The following ZSWIM5 variants were observed in gnomAD, a reference collection of about 807,000 sequenced individuals.
ZSWIM5 encodes zinc finger SWIM-type containing 5.
Under a neutral mutation model 119.6 loss-of-function variants are expected in ZSWIM5, and 55 were observed. The ratio of observed to expected loss-of-function variants is 0.46; its 90% CI spans 0.37 to 0.58. The LOEUF is 0.58. ZSWIM5 is among the 20% of genes least tolerant of loss of function. The probability of loss-of-function intolerance (pLI) is 0.00; values close to 1 mark genes in which losing one functional copy is unlikely to be tolerated. For missense variants in ZSWIM5, 1,193 were observed against 1,512.8 expected (o/e 0.79, Z 3.51); for synonymous variants, 537 against 606.9 (o/e 0.88, Z 1.69).
At chr1:45,168,641 G>A (rs958998460) in intron 1 of ZSWIM5, among the ~76,000 whole-genome samples, 4 of 145,070 alleles carry the variant, frequency 2.8e-5, no homozygotes, top group Non-Finnish European at 6.0e-5. Context: ...CTCCAGCCTG[G>A]GCGACAGAGT....
chr1:45,089,157 T>C (rs1378662591), intron 1 of ZSWIM5, among the ~76,000 whole-genome samples: 1 of 152,130 alleles, frequency 6.6e-6, no homozygotes, highest in East Asian at 1.9e-4. Flanking sequence ...ATTTTTGTAT[T>C]TTTAGTGCAG....
At position 45,038,947 on chromosome 1, in the gene ZSWIM5, A is replaced by C. The variant is rs771577351; in HGVS notation, c.1883T>G (p.Leu628Arg). 15 of 1,613,534 alleles carry C rather than the reference A, an allele frequency of 9.3e-6. No homozygotes were observed. The highest frequency in any genetic ancestry group is 3.3e-5 in the Admixed American group (2 of 59,988). ...EACRLNDDGY[L>R]EMSDMNESRP... ...GCTGACCCCTGTACCTGACATCTCC[A>C]GATAGCCATCATCATTCAGGCGGCA... The change falls in exon 8 of 14, where the codon CTG (leucine) becomes CGG (arginine). Residue 628 changes from leucine (L) to arginine (R), a missense_variant. Leu to Arg is a moderately radical substitution (Grantham distance 102). This residue lies in a region of ZSWIM5 where 961 missense variants were observed against 1,290.0 expected (regional missense o/e 0.74). Transcript: ENST00000359600.
At chr1:45,024,788 G>A (rs905244255) in intron 11 of ZSWIM5, among the ~76,000 whole-genome samples, 1 of 152,028 alleles carries the variant, frequency 6.6e-6, no homozygotes, top group Non-Finnish European at 1.5e-5. Context: ...CTGAGTAGCT[G>A]GGATTACAGA....
chr1:45,030,848 G>T (rs1415929221), intron 11 of ZSWIM5, among the ~76,000 whole-genome samples: 4 of 144,252 alleles, frequency 2.8e-5, no homozygotes, highest in Non-Finnish European at 6.0e-5. Flanking sequence ...CCAGGCTGGA[G>T]TGTAGTGGCA....
At position 45,124,750 on chromosome 1, in the gene ZSWIM5, T is replaced by C. The variant is rs1265728534; in HGVS notation, c.596-36513A>G. On this transcript the variant is annotated intron_variant, in intron 1 of 13. Coordinates refer to ENST00000359600, the MANE Select transcript of ZSWIM5 (RefSeq NM_020883.2). ...TTCAAATATAACAATACAGGTAAGA[T>C]TGTAAAAGAAAGGAAAAAGATGTAT... is the stretch of plus-strand genomic sequence containing the variant. 2.6e-5 allele frequency among the ~76,000 whole-genome samples: 4 copies of C among 152,006 alleles called. No homozygotes were observed. In the East Asian group the frequency reaches 5.8e-4, roughly 22 times the overall value.
At chr1:45,094,306 A>C (rs1307825463) in intron 1 of ZSWIM5, among the ~76,000 whole-genome samples, 2 of 152,044 alleles carry the variant, frequency 1.3e-5, no homozygotes, top group African/African-American at 4.8e-5. Context: ...CGCCTGCCTC[A>C]GCATCCCAAA....
chr1:45,204,796 T>C (rs1053025195), intron 1 of ZSWIM5, among the ~76,000 whole-genome samples: 1 of 152,176 alleles, frequency 6.6e-6, no homozygotes, highest in Admixed American at 6.5e-5. Flanking sequence ...ACTTCCAGAA[T>C]GCCATAATAA....
chr1:45,030,016 C>T (rs1327921906), intron 11 of ZSWIM5, among the ~76,000 whole-genome samples: 1 of 152,116 alleles, frequency 6.6e-6, no homozygotes, highest in East Asian at 1.9e-4. Flanking sequence ...GGCACGATAG[C>T]TCACTGTAAC....
chr1:45,043,496 T>TA, intron 5 of ZSWIM5, 101 bp from the exon 6 acceptor site: 1 of 1,144,516 alleles, frequency 8.7e-7, no homozygotes. Context: ...AATAGTATTT[T>TA]AAAAGAATAA....
rs1297427068 is a variant in ZSWIM5 at position 45,019,449 on chromosome 1, G to C, written c.2696-133C>G. The C allele has an allele frequency of 1.1e-5, 13 of 1,203,364 alleles. No homozygotes were observed. In the East Asian group the frequency reaches 3.0e-4, roughly 28 times the overall value. 74.5% of individuals were successfully genotyped at this position (1,203,364 alleles called of 1,614,324 possible). The stretch of plus-strand genomic sequence containing the variant: ...CCTCAGCAACCTTGAGATGATATGA[G>C]GCAAACCAGGGCAAGGGGAGCATCC... On this transcript the variant is annotated intron_variant, in intron 13 of 13. Transcript: ENST00000359600. The surrounding 1 kb of genome is among the most constrained non-coding windows in gnomAD (Gnocchi z 5.0).
At chr1:45,137,299 G>A (rs888974148) in intron 1 of ZSWIM5, among the ~76,000 whole-genome samples, 40 of 152,158 alleles carry the variant, frequency 2.6e-4, no homozygotes, top group Admixed American at 2.1e-3. Context: ...TCCTCCTGCC[G>A]TGGCCTCCCA....
rs1645231834 is a variant in ZSWIM5 at position 45,072,739 on chromosome 1, G to A, written c.953-12492C>T. 6.6e-6 allele frequency among the ~76,000 whole-genome samples: 1 copy of A among 151,936 alleles called. No individual in the cohort carries two copies. The highest frequency in any genetic ancestry group is 6.5e-5 in the Admixed American group (1 of 15,274). ...TAACAAATGAGTTCAGTGTACGTGT[G>A]TGGATTTGTTTCTAGGTTTTCTATT... On this transcript the variant is annotated intron_variant, in intron 2 of 13. Transcript: ENST00000359600. The surrounding 1 kb of genome is among the most constrained non-coding windows in gnomAD (Gnocchi z 4.1).
chr1:45,030,419 G>T (rs1460200185), intron 11 of ZSWIM5, among the ~76,000 whole-genome samples: 1 of 151,492 alleles, frequency 6.6e-6, no homozygotes, highest in East Asian at 2.0e-4. Context: ...GCTAATTTTT[G>T]TATTTTTAGT....
intron 1 of ZSWIM5, among the ~76,000 whole-genome samples, chr1:45,097,943 G>C (rs1416857163): frequency 6.6e-6 from 1 of 152,178 alleles, no homozygotes; most frequent in Non-Finnish European, 1.5e-5. Flanking sequence ...CGGGGGACCT[G>C]AACTGATTCA....
chr1:45,032,017 G>T (rs1024073198), intron 11 of ZSWIM5, among the ~76,000 whole-genome samples: 2 of 152,066 alleles, frequency 1.3e-5, no homozygotes, highest in African/African-American at 4.8e-5. Context: ...TTTGCTCCAT[G>T]AGTAATATAC....
chr1:45,036,055 G>A lies in ZSWIM5; in HGVS notation c.2139C>T (p.Cys713=), dbSNP rs978386779. Reference sequence around the variant, plus strand: ...TCTACTTACCTTCCAGCAGTAAGATGCATTGTTTTTGCAGTGTTTGCACTA... The same window carrying A: ...TCTACTTACCTTCCAGCAGTAAGATACATTGTTTTTGCAGTGTTTGCACTA... ...DELVQTLQKQ[C]ILLLEGGPFS... The change falls in exon 9 of 14, where the codon TGC becomes TGT. Residue 713 remains cysteine (C), a synonymous_variant. Transcript: ENST00000359600. 1.9e-6 allele frequency: 3 copies of A among 1,614,032 alleles called. No homozygotes were observed. The highest frequency in any genetic ancestry group is 2.5e-6 in the Non-Finnish European group (3 of 1,179,930).
intron 1 of ZSWIM5, among the ~76,000 whole-genome samples, chr1:45,115,857 C>T (rs1432881066): frequency 3.3e-5 from 5 of 152,224 alleles, no homozygotes; most frequent in African/African-American, 9.6e-5. Flanking sequence ...GGGTGGCGGC[C>T]GGGCAGAGGC....
At chr1:45,133,941 G>T (rs1044643904) in intron 1 of ZSWIM5, among the ~76,000 whole-genome samples, 2 of 151,960 alleles carry the variant, frequency 1.3e-5, no homozygotes, top group African/African-American at 4.8e-5. Context: ...TATTATTTCC[G>T]AGGGCTCTGT....
At chr1:45,036,499 A>C (rs1406001680) in intron 8 of ZSWIM5, among the ~76,000 whole-genome samples, 200 bp from the exon 9 acceptor site, 2 of 151,366 alleles carry the variant, frequency 1.3e-5, no homozygotes, top group Admixed American at 1.3e-4. Context: ...GGATTACAGG[A>C]GCATGCCACA....
Sources: gnomAD v4.1 joint callset for allele counts (sites outside exome capture counted in the v4.1 genomes callset) on GRCh38, gnomAD v4.1.1 for gene constraint, gnomAD v4.1.1 regional missense constraint, Gnocchi (gnomAD v3.1) non-coding constraint, MANE v1.5 for transcripts, NCBI Gene and HGNC (gene_info 2026-07-23, HGNC 2026-07-21) for gene names.